AZIN2: variants seen among roughly 807,000 people sequenced by gnomAD.
AZIN2 encodes the protein ODC antizyme inhibitor-2.
AZIN2 carries 28 observed loss-of-function variants against 47.8 expected under a neutral mutation model. The ratio of observed to expected loss-of-function variants is 0.59; its 90% CI spans 0.43 to 0.80. The LOEUF (loss-of-function observed/expected upper bound fraction) is 0.80. Among genes scored for constraint, AZIN2 ranks in the 30% least tolerant of loss-of-function variants. AZIN2 has a pLI of 0.00. For synonymous variants in AZIN2, 221 were observed against 239.4 expected, an observed-to-expected ratio of 0.92 and a Z score of 0.71; for missense variants, 535 against 582.5, an observed-to-expected ratio of 0.92 and a Z score of 0.84.
chr1:33,146,873 C>CTGA, the AZIN2 span: 1 of 421,262 alleles, frequency 2.4e-6, no homozygotes, highest in Non-Finnish European at 4.4e-6. Context: ...GGAAGGTAGT[C>CTGA]CCCTGCCCCT....
the AZIN2 span, among the ~76,000 whole-genome samples, chr1:33,157,382 G>C: frequency 6.6e-6 from 1 of 152,068 alleles, no homozygotes; most frequent in East Asian, 1.9e-4. Context: ...ATACCTACGT[G>C]GCTCACTCTT....
intron 10 of AZIN2, among the ~76,000 whole-genome samples, chr1:33,111,339 T>C (rs1042877967): frequency 6.6e-6 from 1 of 152,186 alleles, no homozygotes; most frequent in African/African-American, 2.4e-5. Flanking sequence ...TCTGTCTTCA[T>C]TGTGGGGTTT....
intron 10 of AZIN2, among the ~76,000 whole-genome samples, chr1:33,102,123 G>A (rs1643751217): frequency 6.6e-6 from 1 of 152,210 alleles, no homozygotes. Flanking sequence ...CCCACCAGCA[G>A]TGTGTAAGAG....
chr1:33,151,421 G>A, the AZIN2 span, among the ~76,000 whole-genome samples: 10 of 152,214 alleles, frequency 6.6e-5, no homozygotes, highest in South Asian at 1.2e-3. Context: ...GGCCTTGCAC[G>A]AATCATTAAC....
the AZIN2 span, among the ~76,000 whole-genome samples, chr1:33,129,817 A>T: frequency 6.6e-6 from 1 of 152,200 alleles, no homozygotes; most frequent in Non-Finnish European, 1.5e-5. The surrounding 1 kb of genome is among the most constrained non-coding windows in gnomAD (Gnocchi z 4.1). Flanking sequence ...GCAAGTCATC[A>T]GAATTTCTGA....
At chr1:33,140,712 T>A in the AZIN2 span, among the ~76,000 whole-genome samples, 2 of 152,206 alleles carry the variant, frequency 1.3e-5, no homozygotes, top group Non-Finnish European at 2.9e-5. The surrounding 1 kb of genome is among the most constrained non-coding windows in gnomAD (Gnocchi z 4.0). Context: ...TGGCTGGTGC[T>A]AGCTCTGAAC....
chr1:33,082,096 T>G, intron 3 of AZIN2, 82 bp from the exon 4 acceptor site: 5 of 663,870 alleles, frequency 7.5e-6, no homozygotes, highest in Non-Finnish European at 1.4e-5. Flanking sequence ...TGTGACGGGA[T>G]TGGGATCCCT....
At position 33,121,650 on chromosome 1, in the gene AZIN2, C is replaced by T. The variant is rs1222092863; in HGVS notation, c.*1468C>T. 6.6e-6 allele frequency among the ~76,000 whole-genome samples: 1 copy of T among 152,148 alleles called. No homozygotes were observed. The highest frequency in any genetic ancestry group is 1.9e-4 in the East Asian group (1 of 5,198). ...GTATTCAGAGTTGTGTAACCATCACCCTAGAAAGAAATCCCATACCCATTA... is the reference window on the plus strand; with the variant it reads ...GTATTCAGAGTTGTGTAACCATCACTCTAGAAAGAAATCCCATACCCATTA... On this transcript the variant is annotated 3_prime_UTR_variant, in exon 12 of 12. Transcript: ENST00000294517.
chr1:33,142,359 C>G, the AZIN2 span: 2 of 152,384 alleles, frequency 1.3e-5, no homozygotes, highest in African/African-American at 2.4e-5. Flanking sequence ...GAATGTATCT[C>G]TGTTGTTTTC....
intron 10 of AZIN2, among the ~76,000 whole-genome samples, chr1:33,110,148 T>C (rs559788820): frequency 5.4e-4 from 82 of 152,298 alleles, no homozygotes; most frequent in African/African-American, 1.8e-3. Context: ...TGGTAGTGAT[T>C]GGAAGAGAGA....
At chr1:33,139,129 T>A in the AZIN2 span, among the ~76,000 whole-genome samples, 1 of 152,182 alleles carries the variant, frequency 6.6e-6, no homozygotes, top group African/African-American at 2.4e-5. Flanking sequence ...TATAATTTGT[T>A]AAAAAAGCAA....
downstream of AZIN2, among the ~76,000 whole-genome samples, chr1:33,124,039 A>G (rs1178035104): frequency 2.0e-5 from 3 of 151,868 alleles, no homozygotes; most frequent in Non-Finnish European, 4.4e-5. This position sits in a 1 kb window ranked among gnomAD's most constrained non-coding sequence, Gnocchi z 4.6. Context: ...GGTGGCGTGC[A>G]CCTCTAATCC....
Position 33,096,794 on chromosome 1 carries a change from G to T in AZIN2, c.841G>T (p.Val281Leu). 3 of 1,614,194 alleles carry T rather than the reference G, an allele frequency of 1.9e-6. No individual in the cohort carries two copies. The highest frequency in any genetic ancestry group is 2.5e-6 in the Non-Finnish European group (3 of 1,180,038). The change falls in exon 9 of 12, where the codon GTG (valine) becomes TTG (leucine). Residue 281 changes from valine (V) to leucine (L), a missense_variant. Val to Leu is a conservative substitution (Grantham distance 32, BLOSUM62 1). This residue lies in a region of AZIN2 where 409 missense variants were observed against 429.0 expected (regional missense o/e 0.95). Coordinates refer to ENST00000294517, the MANE Select transcript of AZIN2 (RefSeq NM_052998.4). The part of the protein sequence containing the change: ...DIFAELGRYY[V>L]TSAFTVAVSI... ...CTTTGCTGAGCTGGGGCGCTACTAC[G>T]TGACCTCGGCCTTCACTGTGGCAGT...
chr1:33,103,677 G>A (rs145442084), intron 10 of AZIN2, among the ~76,000 whole-genome samples: 279 of 152,284 alleles, frequency 1.8e-3, no homozygotes, highest in African/African-American at 6.1e-3. Context: ...ACGTTGTCCA[G>A]TTAGTTTCCT....
At chr1:33,111,670 C>T (rs1430681190) in intron 10 of AZIN2, among the ~76,000 whole-genome samples, 5 of 151,084 alleles carry the variant, frequency 3.3e-5, no homozygotes, top group Non-Finnish European at 7.4e-5. Context: ...TGCAGTGGCT[C>T]GGCTCACTGC....
At chr1:33,118,280 G>A in intron 11 of AZIN2, 164 bp downstream of exon 11, 1 of 737,552 alleles carries the variant, frequency 1.4e-6, no homozygotes, top group Non-Finnish European at 2.0e-6. Context: ...GTGGCCATAA[G>A]TGAGGCTGGG....
At chr1:33,105,863 A>G (rs550579647) in intron 10 of AZIN2, among the ~76,000 whole-genome samples, 1 of 152,326 alleles carries the variant, frequency 6.6e-6, no homozygotes, top group African/African-American at 2.4e-5. Context: ...GAATCTTGGC[A>G]GGCAAAATTC....
chr1:33,107,173 A>C (rs1171979152), intron 10 of AZIN2, among the ~76,000 whole-genome samples: 1 of 152,078 alleles, frequency 6.6e-6, no homozygotes, highest in African/African-American at 2.4e-5. Context: ...AATCCTAGCT[A>C]CTTAGGAGGC....
chr1:33,117,431 G>A (rs1198968175), intron 10 of AZIN2, among the ~76,000 whole-genome samples: 2 of 152,186 alleles, frequency 1.3e-5, no homozygotes, highest in East Asian at 1.9e-4. Context: ...ACATATCGAC[G>A]TCTGGAAAGA....
Sources: allele counts gnomAD v4.1 joint callset (sites outside exome capture counted in the v4.1 genomes callset), GRCh38; gene constraint gnomAD v4.1.1; regional missense constraint gnomAD v4.1.1; non-coding constraint Gnocchi (gnomAD v3.1); transcripts MANE v1.5; gene names NCBI Gene and HGNC (gene_info 2026-07-23, HGNC 2026-07-21).